Variants in MAN2A1 observed in about 807,000 individuals in gnomAD.
MAN2A1 encodes mannosidase alpha class 2A member 1.
A neutral mutation model predicts 142.6 loss-of-function variants in MAN2A1; 76 were observed. The ratio of observed to expected loss-of-function variants is 0.53; its 90% confidence interval spans 0.44 to 0.65. The LOEUF (loss-of-function observed/expected upper bound fraction) is 0.65. Among genes scored for constraint, MAN2A1 ranks in the 30% least tolerant of loss-of-function variants. The probability of loss-of-function intolerance (pLI) is 0.00; values close to 1 mark genes in which losing one functional copy is unlikely to be tolerated. For missense variants in MAN2A1, 1,311 were observed against 1,365.1 expected (o/e 0.96, Z 0.62); for synonymous variants, 559 against 473.2 (o/e 1.18, Z -2.35).
intron 12 of MAN2A1, among the ~76,000 whole-genome samples, chr5:109,793,492 A>G (rs2301006): frequency 0.74 from 112,857 of 152,056 alleles, 43,109 homozygotes; most frequent in East Asian, 0.95. Context: ...ATAGAAGAAC[A>G]TGGTTCACAT....
chr5:109,843,209 G>A (rs1317810830), intron 17 of MAN2A1, among the ~76,000 whole-genome samples: 2 of 152,154 alleles, frequency 1.3e-5, no homozygotes. Flanking sequence ...TGTATGACTG[G>A]AGGGGTAGCC....
intron 4 of MAN2A1, among the ~76,000 whole-genome samples, chr5:109,739,514 T>C (rs1752205206): frequency 6.6e-6 from 1 of 152,202 alleles, no homozygotes; most frequent in African/African-American, 2.4e-5. Flanking sequence ...ACTCCCTCGG[T>C]TCAGTACTCT....
chr5:109,755,292 C>G (rs753521873), intron 4 of MAN2A1, 37 bp from the exon 5 acceptor site: 1 of 1,526,942 alleles, frequency 6.5e-7, no homozygotes. Context: ...CTTTTCTTAA[C>G]ATTTATTAAT....
At chr5:109,791,625 C>T (rs373889441) in intron 12 of MAN2A1, among the ~76,000 whole-genome samples, 19 of 151,322 alleles carry the variant, frequency 1.3e-4, no homozygotes, top group East Asian at 7.8e-4. Context: ...CATGCATTCT[C>T]GATGGGGGAG....
chr5:109,843,025 C>T (rs984200568), intron 17 of MAN2A1, among the ~76,000 whole-genome samples: 2 of 151,892 alleles, frequency 1.3e-5, no homozygotes, highest in Non-Finnish European at 2.9e-5. Context: ...AGGCTGGTCT[C>T]GAACTCTTGG....
At chr5:109,694,728 A>G (rs1300423183) in intron 1 of MAN2A1, among the ~76,000 whole-genome samples, 1 of 151,958 alleles carries the variant, frequency 6.6e-6, no homozygotes, top group Admixed American at 6.6e-5. Context: ...AGTAGTACTT[A>G]AGAGTCCAGC....
intron 4 of MAN2A1, among the ~76,000 whole-genome samples, chr5:109,733,158 T>C (rs1349765230): frequency 2.6e-5 from 4 of 152,128 alleles, no homozygotes; most frequent in Admixed American, 6.6e-5. Flanking sequence ...GATTTGGCTC[T>C]CTGTTTGTCT....
intron 16 of MAN2A1, among the ~76,000 whole-genome samples, chr5:109,827,646 G>A (rs569746741): frequency 1.1e-4 from 16 of 152,250 alleles, no homozygotes; most frequent in African/African-American, 3.9e-4. Flanking sequence ...CAGTTGAAGG[G>A]CTCTCTCTTT....
intron 1 of MAN2A1, among the ~76,000 whole-genome samples, chr5:109,698,556 A>G (rs922382674): frequency 6.6e-6 from 1 of 152,176 alleles, no homozygotes; most frequent in South Asian, 2.1e-4. Flanking sequence ...GTTTTTTTGC[A>G]TTTAAAAATG....
At chr5:109,862,416 C>T (rs892022845) in intron 20 of MAN2A1, 8 of 152,180 alleles carry the variant, frequency 5.3e-5, no homozygotes. Context: ...TAGAATACGC[C>T]AGCCTTACTT....
At position 109,713,680 on chromosome 5, in the gene MAN2A1, G is replaced by A. The variant is rs1751368735; in HGVS notation, c.296G>A (p.Gly99Asp). 3 of 1,614,150 alleles carry A rather than the reference G, an allele frequency of 1.9e-6. No individual in the cohort carries two copies. The highest frequency in any genetic ancestry group is 2.2e-5 in the South Asian group (2 of 91,082). ...CAAAGCAATTTCAGCCAAGGTGCTG[G>A]CTCACATCTTCTGCCCTCACAATTA... is the stretch of plus-strand genomic sequence containing the variant. ...SSQSNFSQGA[G>D]SHLLPSQLSL... The change falls in exon 2 of 22, where the codon GGC (glycine) becomes GAC (aspartate). Residue 99 changes from glycine to aspartate, a missense_variant. This residue lies in a region of MAN2A1 where 409 missense variants were observed against 412.7 expected (regional missense o/e 0.99). Coordinates refer to ENST00000261483, the MANE Select transcript of MAN2A1 (RefSeq NM_002372.4).
chr5:109,761,456 C>G (rs2112636737), intron 5 of MAN2A1, among the ~76,000 whole-genome samples: 2 of 152,048 alleles, frequency 1.3e-5, no homozygotes, highest in South Asian at 4.1e-4. Context: ...TTTCTTATAG[C>G]CGTCTATCAA....
At chr5:109,729,694 A>T (rs1049555244) in intron 4 of MAN2A1, among the ~76,000 whole-genome samples, 181 bp downstream of exon 4, 1 of 152,090 alleles carries the variant, frequency 6.6e-6, no homozygotes, top group East Asian at 1.9e-4. Context: ...AAACTTTTCC[A>T]TTTAAATCCT....
At chr5:109,709,230 G>A (rs1177565462) in intron 1 of MAN2A1, among the ~76,000 whole-genome samples, 2 of 152,182 alleles carry the variant, frequency 1.3e-5, no homozygotes, top group African/African-American at 2.4e-5. Context: ...TCAACCTTAC[G>A]AAATTGGTGA....
Position 109,868,964 on chromosome 5 carries a change from A to G in MAN2A1, c.*1966A>G, listed in dbSNP as rs182224781. The G allele has an allele frequency of 1.3e-5, 2 of 152,218 alleles. No homozygotes were observed. The highest frequency in any genetic ancestry group is 2.9e-5 in the Non-Finnish European group (2 of 68,038). 9.4% of individuals were successfully genotyped at this position (152,218 alleles called of 1,614,324 possible). ...AAAAAAAAAATCTTGATGCAATAAC[A>G]GTGGTTTTGCCACTTCTGGTTGTTT... On this transcript the variant is annotated 3_prime_UTR_variant, in exon 22 of 22. Coordinates refer to ENST00000261483, the MANE Select transcript of MAN2A1 (RefSeq NM_002372.4).
At chr5:109,800,345 T>G (rs1753987221) in intron 12 of MAN2A1, among the ~76,000 whole-genome samples, 1 of 152,172 alleles carries the variant, frequency 6.6e-6, no homozygotes, top group Non-Finnish European at 1.5e-5. Context: ...CTGAAGAGAC[T>G]TGCTATAAAC....
chr5:109,853,269 G>T (rs1011993751), intron 19 of MAN2A1, among the ~76,000 whole-genome samples: 4 of 152,074 alleles, frequency 2.6e-5, no homozygotes, highest in Non-Finnish European at 5.9e-5. Context: ...AGCAGTGTGC[G>T]GCTAACTCCA....
chr5:109,734,978 G>A (rs930066296), intron 4 of MAN2A1, among the ~76,000 whole-genome samples: 1 of 152,156 alleles, frequency 6.6e-6, no homozygotes, highest in Admixed American at 6.5e-5. Flanking sequence ...GGGTGTTAAA[G>A]TCTCCCATTA....
At chr5:109,866,412 G>A (rs1755884926) in intron 21 of MAN2A1, among the ~76,000 whole-genome samples, 1 of 152,158 alleles carries the variant, frequency 6.6e-6, no homozygotes, top group Non-Finnish European at 1.5e-5. Flanking sequence ...GGAAAAAGTG[G>A]TTGAGGACTA....
Sources: allele counts gnomAD v4.1 joint callset (sites outside exome capture counted in the v4.1 genomes callset), GRCh38; gene constraint gnomAD v4.1.1; regional missense constraint gnomAD v4.1.1; transcripts MANE v1.5; gene names NCBI Gene and HGNC (gene_info 2026-07-23, HGNC 2026-07-21).